BACH2: variants seen among roughly 807,000 people sequenced by gnomAD.
BACH2 encodes BACH transcriptional regulator 2, also known as transcription regulator protein BACH2.
A neutral mutation model predicts 61.8 loss-of-function variants in BACH2; 5 were observed. That is an observed-to-expected ratio of 0.08 (90% CI 0.04 to 0.17). BACH2 has a LOEUF of 0.17. Among genes scored for constraint, BACH2 ranks in the 10% least tolerant of loss-of-function variants. BACH2 has a pLI of 1.00. For synonymous variants in BACH2, 446 were observed against 440.1 expected (o/e 1.01, Z -0.17); for missense variants, 824 against 1,091.1 (o/e 0.76, Z 3.45).
chr6:90,244,641 T>C (rs1054854319), intron 3 of BACH2, among the ~76,000 whole-genome samples: 3 of 151,320 alleles, frequency 2.0e-5, no homozygotes, highest in African/African-American at 7.4e-5. Flanking sequence ...CGCACACAAA[T>C]ACTCGTGTAC....
chr6:89,937,130 T>C (rs112901300), intron 8 of BACH2, among the ~76,000 whole-genome samples: 2 of 152,074 alleles, frequency 1.3e-5, no homozygotes, highest in African/African-American at 4.8e-5. Flanking sequence ...GAGTTTGTTT[T>C]CTGTGACAAA....
chr6:90,074,524 C>T (rs9451340), intron 5 of BACH2, among the ~76,000 whole-genome samples: 11,655 of 152,144 alleles, frequency 0.077, 1,355 homozygotes, highest in African/African-American at 0.24. Context: ...TCAAGGTCTA[C>T]AGAAAAGTTT....
intron 4 of BACH2, among the ~76,000 whole-genome samples, chr6:90,198,006 T>C (rs907471201): frequency 6.6e-6 from 1 of 152,154 alleles, no homozygotes; most frequent in Non-Finnish European, 1.5e-5. Flanking sequence ...TGGTCAAGAA[T>C]AGGCCGAGGC....
intron 1 of BACH2, among the ~76,000 whole-genome samples, chr6:90,287,388 T>C (rs1582568999): frequency 6.6e-6 from 1 of 152,176 alleles, no homozygotes; most frequent in Non-Finnish European, 1.5e-5. Flanking sequence ...GCTTTTTTTT[T>C]CTTCTAAAAT....
At chr6:90,126,500 C>T (rs934437195) in intron 4 of BACH2, among the ~76,000 whole-genome samples, 1 of 152,080 alleles carries the variant, frequency 6.6e-6, no homozygotes, top group Admixed American at 6.6e-5. Flanking sequence ...GGAACAAAGA[C>T]CTTTAAATAA....
At chr6:90,055,333 C>T (rs1368235766) in intron 5 of BACH2, among the ~76,000 whole-genome samples, 1 of 152,158 alleles carries the variant, frequency 6.6e-6, no homozygotes, top group African/African-American at 2.4e-5. Context: ...AATGCAGAAG[C>T]CTCAGTAGCC....
intron 2 of BACH2, among the ~76,000 whole-genome samples, chr6:90,263,623 T>C (rs1771234346): frequency 6.6e-6 from 1 of 152,218 alleles, no homozygotes; most frequent in Non-Finnish European, 1.5e-5. Context: ...GTAGCATTTT[T>C]TCTTGCGCTG....
At chr6:89,976,863 T>C (rs565504498) in intron 6 of BACH2, among the ~76,000 whole-genome samples, 36 of 152,290 alleles carry the variant, frequency 2.4e-4, no homozygotes, top group Non-Finnish European at 1.2e-4. Context: ...ACACATAAAA[T>C]AGCAAAAAGC....
intron 7 of BACH2, among the ~76,000 whole-genome samples, chr6:89,939,855 A>G: frequency 9.0e-6 from 1 of 111,688 alleles, no homozygotes; most frequent in East Asian, 2.6e-4. Flanking sequence ...TGTAGAGATG[A>G]GGTCTTGCGC....
chr6:89,969,519 T>C (rs1775241946), intron 6 of BACH2, among the ~76,000 whole-genome samples: 2 of 152,066 alleles, frequency 1.3e-5, no homozygotes, highest in African/African-American at 4.8e-5. Flanking sequence ...ACCACTACGC[T>C]TGGATGGGAG....
chr6:90,162,481 A>T (rs931095242), intron 4 of BACH2, among the ~76,000 whole-genome samples: 24 of 152,090 alleles, frequency 1.6e-4, no homozygotes, highest in African/African-American at 4.8e-4. Context: ...GCTACAAAAA[A>T]TTTTTTAAAA....
chr6:90,188,326 G>A (rs558482942), intron 4 of BACH2, among the ~76,000 whole-genome samples: 1 of 152,162 alleles, frequency 6.6e-6, no homozygotes, highest in African/African-American at 2.4e-5. Flanking sequence ...GTTTAAGTGT[G>A]GGTTAACTTA....
At chr6:90,092,973 G>A (rs1355488153) in intron 4 of BACH2, among the ~76,000 whole-genome samples, 1 of 152,168 alleles carries the variant, frequency 6.6e-6, no homozygotes, top group Non-Finnish European at 1.5e-5. Flanking sequence ...GAGGCCTGCA[G>A]TGCTGGCGCA....
chr6:90,189,801 G>C (rs1768502765), intron 4 of BACH2, among the ~76,000 whole-genome samples: 1 of 152,100 alleles, frequency 6.6e-6, no homozygotes, highest in Non-Finnish European at 1.5e-5. Context: ...TGGTTAATCT[G>C]CTGAGCCATG....
intron 4 of BACH2, among the ~76,000 whole-genome samples, chr6:90,112,689 A>G (rs1194540751): frequency 6.6e-6 from 1 of 152,176 alleles, no homozygotes; most frequent in Non-Finnish European, 1.5e-5. Flanking sequence ...CAAAGCAACC[A>G]CACAAACAAG....
At chr6:89,965,943 T>C (rs549635494) in intron 6 of BACH2, among the ~76,000 whole-genome samples, 68 of 152,014 alleles carry the variant, frequency 4.5e-4, no homozygotes, top group Non-Finnish European at 7.2e-4. Context: ...ATTTGCAAAA[T>C]AGGAATAAAT....
chr6:90,138,879 C>T (rs146854938), intron 4 of BACH2, among the ~76,000 whole-genome samples: 11 of 152,252 alleles, frequency 7.2e-5, no homozygotes, highest in Admixed American at 5.2e-4. Context: ...TATTAATTCA[C>T]GTACCACATG....
At chr6:90,027,001 T>C (rs1006107266) in intron 5 of BACH2, among the ~76,000 whole-genome samples, 4 of 152,068 alleles carry the variant, frequency 2.6e-5, no homozygotes, top group African/African-American at 9.7e-5. Flanking sequence ...GTCATTCAGG[T>C]AGTGTTTTGA....
intron 4 of BACH2, among the ~76,000 whole-genome samples, chr6:90,137,213 T>A (rs913117864): frequency 6.6e-6 from 1 of 152,176 alleles, no homozygotes; most frequent in African/African-American, 2.4e-5. Context: ...TAACATTTCA[T>A]TCAACAATCC....
Sources: allele counts gnomAD v4.1 joint callset (sites outside exome capture counted in the v4.1 genomes callset), GRCh38; gene constraint gnomAD v4.1.1; transcripts MANE v1.5; gene names NCBI Gene and HGNC (gene_info 2026-07-23, HGNC 2026-07-21).